The following PALM2AKAP2 variants were observed in gnomAD, a reference collection of about 807,000 sequenced individuals.
PALM2AKAP2 encodes PALM2 and AKAP2 fusion.
A neutral mutation model predicts 71.5 loss-of-function variants in PALM2AKAP2; 37 were observed. The observed-to-expected ratio is 0.52, with a 90% CI of 0.40 to 0.68. The LOEUF is 0.68. Among genes scored for constraint, PALM2AKAP2 ranks in the 30% least tolerant of loss-of-function variants. The pLI is 0.00. For missense variants in PALM2AKAP2, 1,224 were observed against 1,191.8 expected, an observed-to-expected ratio of 1.03 and a Z score of -0.40; for synonymous variants, 468 against 478.8, an observed-to-expected ratio of 0.98 and a Z score of 0.29.
chr9:109,926,622 G>A (rs1830963699), intron 5 of PALM2AKAP2, among the ~76,000 whole-genome samples: 1 of 152,192 alleles, frequency 6.6e-6, no homozygotes, highest in Non-Finnish European at 1.5e-5. Context: ...GTCAGGCTGG[G>A]ATGAAGTGTG....
chr9:110,108,618 A>G (rs1340830557), intron 1 of PALM2AKAP2, among the ~76,000 whole-genome samples: 1 of 152,164 alleles, frequency 6.6e-6, no homozygotes, highest in Non-Finnish European at 1.5e-5. Flanking sequence ...TTAGCCTCAT[A>G]GAATGTTTCA....
At chr9:110,159,744 C>T (rs7859519) in intron 3 of PALM2AKAP2, among the ~76,000 whole-genome samples, 2,213 of 152,254 alleles carry the variant, frequency 0.015, 67 homozygotes, top group African/African-American at 0.051. Flanking sequence ...GAGCCCCCAT[C>T]AGGGGTGTGG....
At chr9:109,694,374 T>G in intron 1 of PALM2AKAP2, among the ~76,000 whole-genome samples, 1 of 152,078 alleles carries the variant, frequency 6.6e-6, no homozygotes, top group African/African-American at 2.4e-5. Flanking sequence ...AAGAAAATAC[T>G]AACCCACTTC....
At chr9:109,741,410 C>T (rs2118685330) in intron 1 of PALM2AKAP2, among the ~76,000 whole-genome samples, 1 of 152,250 alleles carries the variant, frequency 6.6e-6, no homozygotes, top group South Asian at 2.1e-4. Context: ...AATAAAGCTG[C>T]CGTGAATATT....
intron 1 of PALM2AKAP2, among the ~76,000 whole-genome samples, chr9:109,755,550 T>A (rs1371769364): frequency 6.6e-6 from 1 of 152,068 alleles, no homozygotes; most frequent in Non-Finnish European, 1.5e-5. Flanking sequence ...CTGGTACTTG[T>A]AAGGTGGGAA....
intron 6 of PALM2AKAP2, among the ~76,000 whole-genome samples, chr9:109,974,673 G>C (rs1832138460): frequency 6.6e-6 from 1 of 152,192 alleles, no homozygotes; most frequent in South Asian, 2.1e-4. Flanking sequence ...TACCGCAATA[G>C]TAAGAAATAC....
intron 1 of PALM2AKAP2, among the ~76,000 whole-genome samples, chr9:110,086,423 G>C (rs1834575737): frequency 6.6e-6 from 1 of 152,190 alleles, no homozygotes; most frequent in Non-Finnish European, 1.5e-5. Flanking sequence ...ATGTTTGCTG[G>C]ATTTGAATCT....
chr9:110,035,735 G>A lies in PALM2AKAP2; in HGVS notation c.582+19696G>A, dbSNP rs7864087. 6.5e-3 allele frequency among the ~76,000 whole-genome samples: 709 copies of A among 108,280 alleles called. 35 individuals are homozygous for A. Among genetic ancestry groups the A allele is most frequent in the African/African-American group, 0.029 (680 of 23,146 alleles). 71.0% of individuals were successfully genotyped at this position (108,280 alleles called of 152,430 possible). ...ATATAACATATATAGGATATGTTGT[G>A]TGTTATATATAACATATATAGGATA... On this transcript the variant is annotated intron_variant, in intron 7 of 9. Transcript: ENST00000302798.
At chr9:109,890,405 C>T (rs534985722) in intron 3 of PALM2AKAP2, among the ~76,000 whole-genome samples, 1 of 152,208 alleles carries the variant, frequency 6.6e-6, no homozygotes, top group Admixed American at 6.5e-5. Flanking sequence ...CAGGTCTAGG[C>T]GTGGAGCCCT....
intron 1 of PALM2AKAP2, among the ~76,000 whole-genome samples, chr9:110,132,360 CT>C (rs879463569): frequency 9.0e-4 from 130 of 144,782 alleles, no homozygotes; most frequent in Middle Eastern, 3.6e-3. Context: ...GTGCGGGCTT[CT>C]TTTTTTTTTT....
intron 6 of PALM2AKAP2, among the ~76,000 whole-genome samples, chr9:109,940,947 C>T (rs934469554): frequency 7.9e-5 from 12 of 152,086 alleles, no homozygotes; most frequent in African/African-American, 2.9e-4. Context: ...TGGCAGGGGT[C>T]GGCAAAATTT....
intron 1 of PALM2AKAP2, among the ~76,000 whole-genome samples, chr9:109,828,494 C>T (rs1457600500): frequency 6.6e-6 from 1 of 152,142 alleles, no homozygotes; most frequent in Non-Finnish European, 1.5e-5. Context: ...GATTTATTGA[C>T]AATGCAAACA....
intron 3 of PALM2AKAP2, among the ~76,000 whole-genome samples, chr9:109,908,354 C>T (rs1289269869): frequency 6.6e-6 from 1 of 152,166 alleles, no homozygotes; most frequent in Non-Finnish European, 1.5e-5. Context: ...TTCATTTGCT[C>T]TTAGGCAGGA....
At chr9:109,745,307 G>A (rs888423061) in intron 1 of PALM2AKAP2, among the ~76,000 whole-genome samples, 2 of 152,058 alleles carry the variant, frequency 1.3e-5, no homozygotes, top group African/African-American at 4.8e-5. Context: ...AGCTGAGGTC[G>A]TGCCACTGCA....
chr9:109,978,808 A>G (rs1412363478), intron 6 of PALM2AKAP2, among the ~76,000 whole-genome samples: 1 of 108,492 alleles, frequency 9.2e-6, no homozygotes, highest in African/African-American at 2.9e-5. Context: ...GCTTTTTATT[A>G]AAAATGGAAC....
At chr9:109,690,712 A>C (rs1462902035) in intron 1 of PALM2AKAP2, among the ~76,000 whole-genome samples, 1 of 152,206 alleles carries the variant, frequency 6.6e-6, no homozygotes, top group Non-Finnish European at 1.5e-5. Flanking sequence ...GTATAGCTGA[A>C]TTAGTATAGC....
chr9:109,911,364 G>A (rs991463988), intron 3 of PALM2AKAP2, among the ~76,000 whole-genome samples: 4 of 152,178 alleles, frequency 2.6e-5, no homozygotes, highest in African/African-American at 9.7e-5. Context: ...AAATCCACTT[G>A]CACAGATTCT....
chr9:109,776,664 A>G (rs1048399450), upstream of PALM2AKAP2, among the ~76,000 whole-genome samples: 1 of 152,144 alleles, frequency 6.6e-6, no homozygotes, highest in African/African-American at 2.4e-5. Flanking sequence ...GCCTCTCACT[A>G]TGGCTTTTAA....
intron 6 of PALM2AKAP2, among the ~76,000 whole-genome samples, chr9:110,011,628 T>C (rs1205444766): frequency 6.6e-6 from 1 of 152,184 alleles, no homozygotes; most frequent in Non-Finnish European, 1.5e-5. Context: ...CATCTTCCTA[T>C]AAAGAAGTGT....
Sources: allele counts gnomAD v4.1 joint callset (sites outside exome capture counted in the v4.1 genomes callset), GRCh38; gene constraint gnomAD v4.1.1; transcripts MANE v1.5; gene names NCBI Gene and HGNC (gene_info 2026-07-23, HGNC 2026-07-21).